The following PCDH15 variants were observed in gnomAD, a reference collection of about 807,000 sequenced individuals.
The protein encoded by PCDH15 is protocadherin related 15, also known as protocadherin-15.
PCDH15 carries 129 observed loss-of-function variants against 178.5 expected under a neutral mutation model. The observed-to-expected ratio is 0.72, with a 90% CI of 0.63 to 0.84. The LOEUF (loss-of-function observed/expected upper bound fraction) is 0.84. Ranked by LOEUF, PCDH15 falls within the 40% of genes least tolerant of loss-of-function variation. The pLI is 0.00. For missense variants in PCDH15, 2,230 were observed against 2,099.9 expected (o/e 1.06, Z -1.21); for synonymous variants, 800 against 732.0 (o/e 1.09, Z -1.50).
intron 2 of PCDH15, among the ~76,000 whole-genome samples, chr10:54,925,214 T>A (rs1470616670): frequency 6.6e-6 from 1 of 152,190 alleles, no homozygotes; most frequent in Non-Finnish European, 1.5e-5. Flanking sequence ...CTTTCCTTGT[T>A]ACTTGCTTTT....
rs569831915 is a variant in PCDH15, at chr10:54,583,802, A to G, written c.92-55925T>C. Reference sequence around the variant, plus strand: ...AGACACCCTCTAAAGCATATTCAACACCTACCCAACAAACTTTCAAAGGTA... The same window carrying G: ...AGACACCCTCTAAAGCATATTCAACGCCTACCCAACAAACTTTCAAAGGTA... On this transcript the variant is annotated intron_variant, in intron 2 of 37. Coordinates refer to ENST00000644397, the MANE Select transcript of PCDH15 (RefSeq NM_001384140.1). 2.0e-5 allele frequency among the ~76,000 whole-genome samples: 3 copies of G among 152,252 alleles called. No homozygotes were observed. In the South Asian group the frequency reaches 6.2e-4, roughly 32 times the overall value.
At chr10:54,421,168 A>T (rs1189294313) in intron 3 of PCDH15, among the ~76,000 whole-genome samples, 1 of 152,132 alleles carries the variant, frequency 6.6e-6, no homozygotes. Context: ...TTTCAATATT[A>T]CATCTAAAAC....
At chr10:55,069,998 T>G (rs1275882485) in intron 2 of PCDH15, among the ~76,000 whole-genome samples, 1 of 152,106 alleles carries the variant, frequency 6.6e-6, no homozygotes, top group Non-Finnish European at 1.5e-5. Context: ...TATCTCATTG[T>G]GGTTTTGATT....
At chr10:55,316,065 G>A (rs11594351) in intron 1 of PCDH15, among the ~76,000 whole-genome samples, 3 of 151,948 alleles carry the variant, frequency 2.0e-5, no homozygotes, top group African/African-American at 4.8e-5. Context: ...TAATCAAAAG[G>A]ACTCACACAA....
intron 1 of PCDH15, among the ~76,000 whole-genome samples, chr10:55,274,727 C>G (rs1048339709): frequency 6.6e-6 from 1 of 152,050 alleles, no homozygotes; most frequent in African/African-American, 2.4e-5. Context: ...ATGGCGGAGG[C>G]AGGGGTGGGG....
chr10:55,275,504 AT>A (rs994319541), intron 1 of PCDH15, among the ~76,000 whole-genome samples: 26 of 151,498 alleles, frequency 1.7e-4, no homozygotes, highest in African/African-American at 4.8e-4. Context: ...CATAAAAATG[AT>A]TTTTTTTCAT....
At chr10:54,582,365 T>A (rs1455667317) in intron 2 of PCDH15, among the ~76,000 whole-genome samples, 1 of 152,088 alleles carries the variant, frequency 6.6e-6, no homozygotes, top group African/African-American at 2.4e-5. Context: ...TTGGATCGCA[T>A]GATAATTTCA....
chr10:53,833,081 A>G (rs1269939354), intron 29 of PCDH15, among the ~76,000 whole-genome samples: 2 of 152,064 alleles, frequency 1.3e-5, no homozygotes, highest in East Asian at 3.8e-4. Context: ...TCTTGTTTGA[A>G]TTGTTTATTA....
At chr10:55,084,418 C>A (rs554840738) in intron 2 of PCDH15, among the ~76,000 whole-genome samples, 1 of 147,742 alleles carries the variant, frequency 6.8e-6, no homozygotes, top group African/African-American at 2.5e-5. Flanking sequence ...ATATGAGAAT[C>A]CAATAAAAAT....
chr10:53,914,025 A>G (rs2083345073), intron 25 of PCDH15, among the ~76,000 whole-genome samples: 1 of 152,198 alleles, frequency 6.6e-6, no homozygotes, highest in Non-Finnish European at 1.5e-5. Flanking sequence ...GCCCATCATC[A>G]CTGGTCATCA....
Position 54,618,916 on chromosome 10 carries a change from A to G in PCDH15, c.91+45256T>C, listed in dbSNP as rs536641084. On this transcript the variant is annotated intron_variant, in intron 2 of 37. Transcript: ENST00000644397. ...TATGGAAAAAAAAATTTGTATCTGCAGATAAAATGGCACTCCAGGAGGATA... is the reference window on the plus strand; with the variant it reads ...TATGGAAAAAAAAATTTGTATCTGCGGATAAAATGGCACTCCAGGAGGATA... 6.6e-5 allele frequency among the ~76,000 whole-genome samples: 10 copies of G among 152,076 alleles called. No homozygotes were observed. The South Asian group carries it at 2.1e-3, about 31-fold the overall frequency.
At chr10:54,607,086 C>T (rs542131833) in intron 2 of PCDH15, 63 of 151,972 alleles carry the variant, frequency 4.1e-4, no homozygotes, top group African/African-American at 1.4e-3. Flanking sequence ...TAATAAAGGT[C>T]TTTTAGTTGT....
chr10:55,067,373 C>G (rs1171762785), intron 2 of PCDH15, among the ~76,000 whole-genome samples: 2 of 151,956 alleles, frequency 1.3e-5, no homozygotes, highest in Non-Finnish European at 2.9e-5. Context: ...TTAATATAAC[C>G]TCCAGTTCCA....
rs143124997 is a variant in PCDH15, at chr10:54,308,799, A to G, written c.876+8472T>C. Among the ~76,000 whole-genome samples, 538 of 151,672 alleles carry G rather than the reference A, an allele frequency of 3.5e-3. 1 individual carries two copies. The highest frequency in any genetic ancestry group is 0.014 in the Middle Eastern group (4 of 292). ...CCCTCCCCTATTCCCCGACCCCCAG[A>G]CAGGCCCCCATGTCACACACCACTT... On this transcript the variant is annotated intron_variant, in intron 8 of 37. Transcript: ENST00000644397.
At chr10:55,338,110 T>C (rs1418954092) in intron 2 of PCDH15, among the ~76,000 whole-genome samples, 1 of 152,158 alleles carries the variant, frequency 6.6e-6, no homozygotes, top group Non-Finnish European at 1.5e-5. Context: ...TGAGATATCA[T>C]CTCACCCCAG....
At chr10:54,767,230 T>A (rs1306283698) in intron 1 of PCDH15, among the ~76,000 whole-genome samples, 1 of 152,128 alleles carries the variant, frequency 6.6e-6, no homozygotes, top group Non-Finnish European at 1.5e-5. Context: ...AAAGCTATTT[T>A]AAATATTCAA....
intron 3 of PCDH15, among the ~76,000 whole-genome samples, chr10:54,416,451 G>T (rs1954409156): frequency 6.6e-6 from 1 of 152,166 alleles, no homozygotes; most frequent in African/African-American, 2.4e-5. Flanking sequence ...CAAAGGACAT[G>T]ATCTCATTCT....
intron 2 of PCDH15, among the ~76,000 whole-genome samples, chr10:55,146,484 G>T (rs554055471): frequency 6.6e-6 from 1 of 152,010 alleles, no homozygotes; most frequent in South Asian, 2.1e-4. Flanking sequence ...ACGCTTAGTT[G>T]TCTTGTTACT....
chr10:55,004,725 A>G (rs147197257), intron 2 of PCDH15, among the ~76,000 whole-genome samples: 7 of 152,288 alleles, frequency 4.6e-5, no homozygotes, highest in Admixed American at 1.3e-4. Context: ...TAGCACTTGA[A>G]TAACCCTCTT....
Sources: gnomAD v4.1 joint callset for allele counts (sites outside exome capture counted in the v4.1 genomes callset) on GRCh38, gnomAD v4.1.1 for gene constraint, MANE v1.5 for transcripts, NCBI Gene and HGNC (gene_info 2026-07-23, HGNC 2026-07-21) for gene names.